CLCN5: variants seen among roughly 807,000 people sequenced by gnomAD.
CLCN5 encodes the protein H(+)/Cl(-) exchange transporter 5.
Under a neutral mutation model 54.0 loss-of-function variants are expected in CLCN5, and 17 were observed. The observed-to-expected ratio is 0.31, with a 90% confidence interval of 0.22 to 0.47. The LOEUF (loss-of-function observed/expected upper bound fraction) is 0.47. Ranked by LOEUF, CLCN5 falls within the 20% of genes least tolerant of loss-of-function variation. CLCN5 has a pLI of 1.00. For missense variants in CLCN5, 448 were observed against 646.7 expected (o/e 0.69, Z 3.33); for synonymous variants, 222 against 233.0 (o/e 0.95, Z 0.43).
intron 3 of CLCN5, among the ~76,000 whole-genome samples, chrX:49,980,577 T>C (rs1404960740): frequency 8.9e-6 from 1 of 111,881 alleles, no homozygotes; most frequent in Admixed American, 9.5e-5. Flanking sequence ...TACAAAGCAG[T>C]CCTAGTGGTG....
chrX:50,046,571 C>T (rs1414689610), intron 4 of CLCN5, among the ~76,000 whole-genome samples: 2 of 111,306 alleles, frequency 1.8e-5, no homozygotes, highest in East Asian at 5.6e-4. Flanking sequence ...AGAAGGAAGA[C>T]TGCAGGGGCT....
chrX:49,996,526 C>T (rs1282708462), intron 3 of CLCN5, among the ~76,000 whole-genome samples: 8 of 112,402 alleles, frequency 7.1e-5, no homozygotes, highest in Non-Finnish European at 1.1e-4. Flanking sequence ...CCATGATATG[C>T]GTTACTGTCT....
intron 8 of CLCN5, 128 bp downstream of exon 8, chrX:50,080,844 C>G (rs868927919): frequency 1.7e-6 from 1 of 585,072 alleles, no homozygotes; most frequent in Middle Eastern, 4.5e-4. Flanking sequence ...CTGAGGCCAT[C>G]TAAGACCTAG....
At chrX:50,054,493 T>G (rs781840868) in intron 4 of CLCN5, 1 of 111,740 alleles carries the variant, frequency 8.9e-6, no homozygotes, top group Non-Finnish European at 1.9e-5. Context: ...GGTTCCTGGA[T>G]GTAGAGCTTT....
intron 4 of CLCN5, among the ~76,000 whole-genome samples, chrX:50,054,236 A>G (rs868959176): frequency 9.0e-6 from 1 of 110,639 alleles, no homozygotes; most frequent in Non-Finnish European, 1.9e-5. Flanking sequence ...AGCATTCCCA[A>G]TGTGTTTACT....
At chrX:50,086,264 A>G in intron 10 of CLCN5, 64 bp from the exon 11 acceptor site, 2 of 1,097,435 alleles carry the variant, frequency 1.8e-6, no homozygotes, top group Non-Finnish European at 2.5e-6. Flanking sequence ...CTGCAGCACA[A>G]CATTTCACCT....
intron 11 of CLCN5, 157 bp from the exon 12 acceptor site, chrX:50,088,541 T>C (rs1933973726): frequency 3.8e-6 from 2 of 522,112 alleles, no homozygotes; most frequent in Non-Finnish European, 6.8e-6. Flanking sequence ...CTAGTCCCTG[T>C]AGTGTTACAC....
Position 50,086,539 on chromosome X carries a change from C to T in CLCN5, c.1226C>T (p.Thr409Ile). The change falls in exon 11 of 15, where the codon ACA (threonine) becomes ATA (isoleucine). Residue 409 changes from threonine to isoleucine, a missense_variant. Physicochemically the swap from Thr to Ile is moderately conservative, Grantham distance 89. This residue lies in a region of CLCN5 where 297 missense variants were observed against 470.4 expected (regional missense o/e 0.63). Coordinates refer to ENST00000376091, the MANE Select transcript of CLCN5 (RefSeq NM_001127898.4). ...CTGTGGGGAGCACTGTTTATCCGCA[C>T]AAACATTGCCTGGTGTCGGAAGCGA... ...GGLWGALFIRTNIAWCRKRKT... is the reference protein window; with the variant it reads ...GGLWGALFIRINIAWCRKRKT... 8.3e-7 allele frequency: 1 copy of T among 1,211,040 alleles called. No individual in the cohort carries two copies. Among genetic ancestry groups the T allele is most frequent in the Non-Finnish European group, 1.1e-6 (1 of 895,305 alleles).
At chrX:49,945,870 C>G (rs1557172020) in intron 3 of CLCN5, among the ~76,000 whole-genome samples, 1 of 109,381 alleles carries the variant, frequency 9.1e-6, no homozygotes, top group Admixed American at 9.8e-5. Context: ...AATTCTCCTG[C>G]CTCAGCCTCC....
At chrX:50,069,728 A>G (rs1285842209) in intron 4 of CLCN5, 151 bp from the exon 5 acceptor site, 3 of 1,059,649 alleles carry the variant, frequency 2.8e-6, no homozygotes, top group Non-Finnish European at 3.6e-6. Context: ...TCTGAATGTA[A>G]TGGATGTTCC....
At chrX:49,953,572 T>C (rs1264293676) in intron 3 of CLCN5, among the ~76,000 whole-genome samples, 2 of 111,602 alleles carry the variant, frequency 1.8e-5, no homozygotes, top group Non-Finnish European at 3.8e-5. Flanking sequence ...TCTCAAAGCA[T>C]TGGGGTTATA....
intron 3 of CLCN5, among the ~76,000 whole-genome samples, chrX:50,026,003 A>AAT (rs1410091217): frequency 8.9e-6 from 1 of 111,959 alleles, no homozygotes; most frequent in African/African-American, 3.2e-5. Flanking sequence ...CTTCTTTATT[A>AAT]ATATATGCAT....
At chrX:50,032,718 A>G (rs1484781792) in intron 3 of CLCN5, among the ~76,000 whole-genome samples, 1 of 109,595 alleles carries the variant, frequency 9.1e-6, no homozygotes, top group East Asian at 2.8e-4. Context: ...GAAGCTCTTG[A>G]GTTTAATTAG....
At chrX:50,016,230 A>G (rs1190425026) in intron 3 of CLCN5, among the ~76,000 whole-genome samples, 4 of 111,649 alleles carry the variant, frequency 3.6e-5, no homozygotes, top group Non-Finnish European at 5.6e-5. Flanking sequence ...TTTGAGAACC[A>G]TTGGTTTAAA....
intron 3 of CLCN5, chrX:50,008,395 G>A (rs782221532): frequency 3.1e-6 from 1 of 323,969 alleles, no homozygotes; most frequent in South Asian, 3.2e-5. Flanking sequence ...AGAAGAATGA[G>A]CCCTCTCACT....
intron 8 of CLCN5, 57 bp from the exon 9 acceptor site, chrX:50,081,584 T>C: frequency 9.9e-7 from 1 of 1,010,851 alleles, no homozygotes; most frequent in Non-Finnish European, 1.4e-6. Flanking sequence ...GATTTTTGCT[T>C]CTTAGCCTTG....
intron 3 of CLCN5, among the ~76,000 whole-genome samples, chrX:49,935,611 G>C (rs1261054728): frequency 8.9e-6 from 1 of 111,834 alleles, no homozygotes; most frequent in East Asian, 2.8e-4. Context: ...TTTATAGAGA[G>C]AAGAAGGGAA....
At chrX:49,956,862 T>C (rs1341225397) in intron 3 of CLCN5, among the ~76,000 whole-genome samples, 2 of 112,221 alleles carry the variant, frequency 1.8e-5, no homozygotes, top group African/African-American at 6.5e-5. Flanking sequence ...CCATCTTAGT[T>C]GCCTTATTTG....
intron 5 of CLCN5, among the ~76,000 whole-genome samples, chrX:50,070,358 G>A (rs985267659): frequency 3.6e-5 from 4 of 111,625 alleles, no homozygotes; most frequent in Admixed American, 9.5e-5. Context: ...GTAAATAGTC[G>A]CAAAGGATCC....
Sources: allele counts gnomAD v4.1 joint callset (sites outside exome capture counted in the v4.1 genomes callset), GRCh38; gene constraint gnomAD v4.1.1; regional missense constraint gnomAD v4.1.1; transcripts MANE v1.5; gene names NCBI Gene and HGNC (gene_info 2026-07-23, HGNC 2026-07-21).